The following CRADD variants were observed in gnomAD, a reference collection of about 807,000 sequenced individuals.
CRADD encodes death domain-containing protein CRADD.
A neutral mutation model predicts 15.5 loss-of-function variants in CRADD; 9 were observed. The ratio of observed to expected loss-of-function variants is 0.58; its 90% CI spans 0.35 to 1.01. The LOEUF is 1.01. CRADD is among the 50% of genes least tolerant of loss of function. CRADD has a pLI of 0.02. For missense variants in CRADD, 227 were observed against 250.3 expected (o/e 0.91, Z 0.63); for synonymous variants, 118 against 107.6 (o/e 1.10, Z -0.60).
At chr12:93,752,116 G>A (rs1956835302) in intron 2 of CRADD, among the ~76,000 whole-genome samples, 1 of 152,210 alleles carries the variant, frequency 6.6e-6, no homozygotes, top group South Asian at 2.1e-4. Context: ...ACTTGCTAAG[G>A]GCGCTATGAC....
chr12:93,885,772 C>A (rs1336714533), intron 2 of CRADD, among the ~76,000 whole-genome samples: 4 of 152,206 alleles, frequency 2.6e-5, no homozygotes, highest in Non-Finnish European at 5.9e-5. Flanking sequence ...GGCACAGTGG[C>A]TCACACCTGT....
intron 2 of CRADD, among the ~76,000 whole-genome samples, chr12:93,701,430 A>T (rs1955843277): frequency 6.6e-6 from 1 of 152,146 alleles, no homozygotes; most frequent in Non-Finnish European, 1.5e-5. Flanking sequence ...CATCCTTGGC[A>T]CGTGATTTCC....
intron 2 of CRADD, among the ~76,000 whole-genome samples, chr12:93,892,176 A>G (rs11107239): frequency 0.11 from 17,115 of 152,098 alleles, 1,249 homozygotes; most frequent in East Asian, 0.29. Context: ...AGCTCCTTCA[A>G]GGAGGCCCTG....
intron 2 of CRADD, among the ~76,000 whole-genome samples, chr12:93,763,884 C>T (rs992250012): frequency 2.6e-5 from 4 of 152,216 alleles, no homozygotes; most frequent in Non-Finnish European, 5.9e-5. Flanking sequence ...CAGAAATGTT[C>T]ATCAGTGTCT....
At chr12:93,742,382 G>A (rs1956683949) in intron 2 of CRADD, among the ~76,000 whole-genome samples, 1 of 151,136 alleles carries the variant, frequency 6.6e-6, no homozygotes, top group African/African-American at 2.4e-5. Flanking sequence ...CGCTTGGCCG[G>A]GCACCCGCGG....
At chr12:93,856,421 C>T (rs950504246) in intron 2 of CRADD, among the ~76,000 whole-genome samples, 1 of 152,248 alleles carries the variant, frequency 6.6e-6, no homozygotes, top group Non-Finnish European at 1.5e-5. Context: ...CTCTCAGGAT[C>T]TCAGCCTGCT....
chr12:93,691,332 C>T (rs576355275), intron 2 of CRADD, among the ~76,000 whole-genome samples: 1 of 151,690 alleles, frequency 6.6e-6, no homozygotes, highest in South Asian at 2.1e-4. Context: ...TGGCTCACTG[C>T]AACCTCCGCC....
rs117853757 is a variant in CRADD, at chr12:93,725,323, A to G, written c.298+46251A>G. Among the ~76,000 whole-genome samples the G allele has an allele frequency of 7.1e-3, 1,088 of 152,356 alleles. 5 individuals are homozygous for G. The highest frequency in any genetic ancestry group is 0.012 in the Non-Finnish European group (850 of 68,022). ...ACCACCATGACTAGTAGCAGTGTTTAGCTGAGTTCTGTTGCCCAGTTGTCA... is the reference window on the plus strand; with the variant it reads ...ACCACCATGACTAGTAGCAGTGTTTGGCTGAGTTCTGTTGCCCAGTTGTCA... On this transcript the variant is annotated intron_variant, in intron 2 of 2. Transcript: ENST00000332896.
downstream of CRADD, among the ~76,000 whole-genome samples, chr12:93,852,061 T>G (rs1958228928): frequency 6.6e-6 from 1 of 152,228 alleles, no homozygotes; most frequent in Non-Finnish European, 1.5e-5. Flanking sequence ...AGCCAATAAT[T>G]CATTATCTTA....
intron 2 of CRADD, among the ~76,000 whole-genome samples, chr12:93,767,180 T>C (rs1207889519): frequency 6.6e-6 from 1 of 152,254 alleles, no homozygotes; most frequent in African/African-American, 2.4e-5. Flanking sequence ...GCTCCAGCCA[T>C]GTGCAAGTGA....
intron 2 of CRADD, among the ~76,000 whole-genome samples, chr12:93,830,075 G>A (rs1957875593): frequency 6.6e-6 from 1 of 152,172 alleles, no homozygotes; most frequent in African/African-American, 2.4e-5. Context: ...GGTGGGGAGA[G>A]CCTGCCACGG....
chr12:93,889,443 G>T (rs1326669350), intron 2 of CRADD, among the ~76,000 whole-genome samples: 2 of 152,100 alleles, frequency 1.3e-5, no homozygotes, highest in African/African-American at 4.8e-5. Context: ...ATCATGACAG[G>T]ACTGAAATTC....
intron 2 of CRADD, among the ~76,000 whole-genome samples, chr12:93,743,167 A>G (rs546440946): frequency 6.6e-6 from 1 of 152,340 alleles, no homozygotes; most frequent in East Asian, 1.9e-4. Context: ...TAATGCCAGT[A>G]TTCCCTGTGT....
At chr12:93,839,331 T>A (rs1958020937) in intron 2 of CRADD, among the ~76,000 whole-genome samples, 1 of 152,232 alleles carries the variant, frequency 6.6e-6, no homozygotes, top group Non-Finnish European at 1.5e-5. Flanking sequence ...GATGGAGATA[T>A]CTATACCTAT....
In CRADD at chr12:93,818,019, G is replaced by A. The variant is rs117683415; in HGVS notation, c.299-31951G>A. ...CCCGCCAGGTCTGGTCCTCAGCTTC[G>A]CAAACCAAGGGATTCCCAGACCCAG... is the stretch of plus-strand genomic sequence containing the variant. On this transcript the variant is annotated intron_variant, in intron 2 of 2. Coordinates refer to ENST00000332896, the MANE Select transcript of CRADD (RefSeq NM_003805.5). Among the ~76,000 whole-genome samples the A allele has an allele frequency of 1.1e-3, 168 of 152,284 alleles. 2 individuals are homozygous for A. The East Asian group carries it at 0.023, about 21-fold the overall frequency.
chr12:93,871,326 T>C (rs1033799449), intron 2 of CRADD, among the ~76,000 whole-genome samples: 3 of 152,170 alleles, frequency 2.0e-5, no homozygotes, highest in Non-Finnish European at 2.9e-5. Flanking sequence ...TTTTTAAAAA[T>C]TTTGTGGGTA....
chr12:93,863,334 A>C (rs1003534233), intron 2 of CRADD, among the ~76,000 whole-genome samples: 1 of 151,946 alleles, frequency 6.6e-6, no homozygotes, highest in Non-Finnish European at 1.5e-5. Context: ...GCTTGCCAGG[A>C]CTTCTCATCC....
intron 2 of CRADD, among the ~76,000 whole-genome samples, chr12:93,696,218 G>A (rs1019844909): frequency 6.6e-6 from 1 of 152,094 alleles, no homozygotes; most frequent in Non-Finnish European, 1.5e-5. Flanking sequence ...CTGTGTCTTA[G>A]CAATCCCACT....
At chr12:93,797,413 G>C (rs1389491272) in intron 2 of CRADD, among the ~76,000 whole-genome samples, 1 of 152,190 alleles carries the variant, frequency 6.6e-6, no homozygotes, top group African/African-American at 2.4e-5. Context: ...ATCACAGTCA[G>C]TGCAGGTAGT....
Sources: allele counts gnomAD v4.1 joint callset (sites outside exome capture counted in the v4.1 genomes callset), GRCh38; gene constraint gnomAD v4.1.1; transcripts MANE v1.5; gene names NCBI Gene and HGNC (gene_info 2026-07-23, HGNC 2026-07-21).